TEX11: variants seen among roughly 807,000 people sequenced by gnomAD.
TEX11 encodes testis expressed 11, also known as testis-expressed protein 11.
In TEX11, 7 loss-of-function variants were observed where a neutral mutation model predicts 84.4. The observed-to-expected ratio is 0.08, with a 90% CI of 0.05 to 0.16. The LOEUF is 0.16. TEX11 is among the 10% of genes least tolerant of loss of function. The pLI is 1.00. For synonymous variants in TEX11, 264 were observed against 222.8 expected (o/e 1.18, Z -1.64); for missense variants, 551 against 660.5 (o/e 0.83, Z 1.82).
chrX:70,840,070 G>C (rs1402915331), intron 7 of TEX11, among the ~76,000 whole-genome samples: 4 of 111,939 alleles, frequency 3.6e-5, no homozygotes, highest in African/African-American at 1.3e-4. Flanking sequence ...ATATTATCCA[G>C]GAGAAATTCC....
intron 8 of TEX11, among the ~76,000 whole-genome samples, chrX:70,812,231 G>GTTTTTTTT: frequency 9.4e-6 from 1 of 106,066 alleles, no homozygotes. Flanking sequence ...TTGAGACGGA[G>GTTTTTTTT]TCTCACTCTG....
At chrX:70,541,796 T>C (rs1377393489) in intron 28 of TEX11, among the ~76,000 whole-genome samples, 1 of 112,203 alleles carries the variant, frequency 8.9e-6, no homozygotes, top group East Asian at 2.8e-4. Context: ...ACGAGATCTC[T>C]CTGTGTTATT....
At chrX:70,881,156 C>G (rs2045602574) in intron 2 of TEX11, among the ~76,000 whole-genome samples, 1 of 109,306 alleles carries the variant, frequency 9.1e-6, no homozygotes, top group Non-Finnish European at 1.9e-5. Context: ...GGCAAAACCC[C>G]ATCCCTATTA....
intron 28 of TEX11, among the ~76,000 whole-genome samples, chrX:70,546,394 G>A (rs947508543): frequency 2.7e-5 from 3 of 111,502 alleles, no homozygotes; most frequent in East Asian, 2.8e-4. Flanking sequence ...TTGATAGATT[G>A]GACTTCATCA....
chrX:70,807,576 T>C (rs1003527933), intron 8 of TEX11, among the ~76,000 whole-genome samples: 1 of 111,469 alleles, frequency 9.0e-6, no homozygotes, highest in Non-Finnish European at 1.9e-5. Flanking sequence ...AAACCACCTA[T>C]CTAGAGAATT....
chrX:70,891,479 C>T (rs985360341), intron 2 of TEX11, among the ~76,000 whole-genome samples: 12 of 110,788 alleles, frequency 1.1e-4, no homozygotes, highest in African/African-American at 3.9e-4. Context: ...AAGCTAAAAA[C>T]CTTGAAAAAA....
chrX:70,844,049 G>A (rs1249277214), intron 7 of TEX11, among the ~76,000 whole-genome samples: 1 of 110,482 alleles, frequency 9.1e-6, no homozygotes, highest in Non-Finnish European at 1.9e-5. Flanking sequence ...GGAAGTCAGT[G>A]TGGCGATTCC....
chrX:70,814,328 C>A (rs974940854), intron 8 of TEX11, among the ~76,000 whole-genome samples: 12 of 111,696 alleles, frequency 1.1e-4, no homozygotes, highest in African/African-American at 3.9e-4. Context: ...CTTTGACAAA[C>A]CTGACAAAAA....
intron 13 of TEX11, among the ~76,000 whole-genome samples, chrX:70,712,196 T>A (rs1163976076): frequency 9.0e-6 from 1 of 111,673 alleles, no homozygotes; most frequent in Non-Finnish European, 1.9e-5. Context: ...ACTGTAGCCT[T>A]GTAGTATAGT....
Position 70,645,008 on chromosome X carries a change from G to A in TEX11, c.1483+6442C>T, listed in dbSNP as rs181321739. Reference sequence around the variant, plus strand: ...ACCAGAGAAATATAAAAAATCATGCGACTACTATGAACAATTATGTACCAA... The same window carrying A: ...ACCAGAGAAATATAAAAAATCATGCAACTACTATGAACAATTATGTACCAA... On this transcript the variant is annotated intron_variant, in intron 17 of 29. Coordinates refer to ENST00000374333, the MANE Select transcript of TEX11 (RefSeq NM_031276.3). 1.0e-4 allele frequency among the ~76,000 whole-genome samples: 11 copies of A among 110,054 alleles called. No individual in the cohort carries two copies. The East Asian group carries it at 1.1e-3, about 11-fold the overall frequency.
intron 17 of TEX11, among the ~76,000 whole-genome samples, chrX:70,646,270 C>T (rs1324392507): frequency 9.0e-6 from 1 of 111,631 alleles, no homozygotes; most frequent in Non-Finnish European, 1.9e-5. Context: ...AAAAGCTATT[C>T]AAAATAGATT....
intron 9 of TEX11, among the ~76,000 whole-genome samples, chrX:70,782,645 CAAAAAAA>C (rs780011355): frequency 3.5e-5 from 1 of 28,903 alleles, no homozygotes; most frequent in Admixed American, 6.8e-4. Context: ...AAATGGAAAG[CAAAAAAA>C]AAAAAAAAAA....
At chrX:70,796,669 C>T (rs2091157426) in intron 9 of TEX11, among the ~76,000 whole-genome samples, 1 of 112,309 alleles carries the variant, frequency 8.9e-6, no homozygotes, top group South Asian at 3.6e-4. Flanking sequence ...ACAGAGTAAA[C>T]AGACAACCTA....
At chrX:70,672,713 G>A (rs1225811323) in intron 15 of TEX11, among the ~76,000 whole-genome samples, 4 of 111,892 alleles carry the variant, frequency 3.6e-5, no homozygotes, top group Non-Finnish European at 7.5e-5. Flanking sequence ...TGAGTTTAGA[G>A]AGTTCTTTCT....
intron 13 of TEX11, among the ~76,000 whole-genome samples, chrX:70,712,259 A>G (rs1438783075): frequency 1.8e-5 from 2 of 111,427 alleles, no homozygotes; most frequent in African/African-American, 3.3e-5. Flanking sequence ...CTGAGGATTC[A>G]CTTGGCAATG....
At chrX:70,768,323 A>T (rs764614271) in intron 9 of TEX11, among the ~76,000 whole-genome samples, 29 of 111,428 alleles carry the variant, frequency 2.6e-4, no homozygotes, top group Non-Finnish European at 4.0e-4. Flanking sequence ...ATTAATAATA[A>T]TAGATGGAAC....
chrX:70,707,775 T>C (rs1005742504), intron 13 of TEX11, among the ~76,000 whole-genome samples: 1 of 110,862 alleles, frequency 9.0e-6, no homozygotes, highest in African/African-American at 3.3e-5. Flanking sequence ...TGAATGTCAG[T>C]GCACACAATG....
At chrX:70,538,782 G>T (rs2087995010) in intron 28 of TEX11, among the ~76,000 whole-genome samples, 1 of 109,538 alleles carries the variant, frequency 9.1e-6, no homozygotes, top group East Asian at 2.9e-4. Context: ...GCAAAATAAT[G>T]AGCTTAAATT....
At chrX:70,565,779 C>A (rs2147961420) in intron 25 of TEX11, among the ~76,000 whole-genome samples, 1 of 111,335 alleles carries the variant, frequency 9.0e-6, no homozygotes, top group Non-Finnish European at 1.9e-5. Flanking sequence ...GTTTTGGTAC[C>A]AGTACCATGC....
Sources: gnomAD v4.1 joint callset for allele counts (sites outside exome capture counted in the v4.1 genomes callset) on GRCh38, gnomAD v4.1.1 for gene constraint, MANE v1.5 for transcripts, NCBI Gene and HGNC (gene_info 2026-07-23, HGNC 2026-07-21) for gene names.